Variants in RIMS1 observed in about 807,000 individuals in gnomAD.
RIMS1 encodes regulating synaptic membrane exocytosis 1, also known as regulating synaptic membrane exocytosis protein 1.
A neutral mutation model predicts 214.1 loss-of-function variants in RIMS1; 83 were observed. The ratio of observed to expected loss-of-function variants is 0.39; its 90% CI spans 0.32 to 0.47. RIMS1 has a LOEUF of 0.47. RIMS1 is among the 20% of genes least tolerant of loss of function. The probability of loss-of-function intolerance (pLI) is 0.99; values close to 1 mark genes in which losing one functional copy is unlikely to be tolerated. For missense variants in RIMS1, 2,050 were observed against 2,161.8 expected (o/e 0.95, Z 1.03); for synonymous variants, 793 against 786.8 (o/e 1.01, Z -0.13).
At chr6:71,956,191 G>T (rs1357211755) in intron 1 of RIMS1, among the ~76,000 whole-genome samples, 2 of 151,940 alleles carry the variant, frequency 1.3e-5, no homozygotes, top group African/African-American at 2.4e-5. Context: ...TCTTCTTACT[G>T]CAAGGATTAA....
At chr6:71,964,928 T>C (rs113735456) in intron 1 of RIMS1, among the ~76,000 whole-genome samples, 2,681 of 152,302 alleles carry the variant, frequency 0.018, 72 homozygotes, top group African/African-American at 0.059. Context: ...CTGAAGTCTC[T>C]TCTTGTCTGT....
intron 24 of RIMS1, among the ~76,000 whole-genome samples, chr6:72,286,803 C>T (rs987506963): frequency 2.5e-4 from 38 of 152,312 alleles, no homozygotes; most frequent in Admixed American, 1.8e-3. Context: ...AGTCATACTA[C>T]ACAGTTTTGC....
At chr6:72,333,926 C>A in intron 29 of RIMS1, 91 bp downstream of exon 29, 1 of 914,220 alleles carries the variant, frequency 1.1e-6, no homozygotes, top group South Asian at 1.7e-5. Context: ...GGAATTGTGG[C>A]ATATTTGGTT....
At chr6:72,231,634 G>C (rs926311341) in intron 6 of RIMS1, among the ~76,000 whole-genome samples, 2 of 151,566 alleles carry the variant, frequency 1.3e-5, no homozygotes, top group Non-Finnish European at 3.0e-5. Flanking sequence ...CAGTACCAAA[G>C]CAATTAAATT....
intron 2 of RIMS1, among the ~76,000 whole-genome samples, chr6:71,978,199 A>G (rs1215670219): frequency 6.6e-6 from 1 of 152,150 alleles, no homozygotes; most frequent in Admixed American, 6.6e-5. Flanking sequence ...TGCGGAATGC[A>G]TATGTACATA....
At chr6:72,258,060 C>A in intron 16 of RIMS1, 65 bp from the exon 17 acceptor site, 1 of 1,377,596 alleles carries the variant, frequency 7.3e-7, no homozygotes, top group South Asian at 1.3e-5. Context: ...ATTTTATATT[C>A]CTGTGTTAAT....
At chr6:72,278,754 G>A (rs1157575691) in intron 23 of RIMS1, among the ~76,000 whole-genome samples, 3 of 151,964 alleles carry the variant, frequency 2.0e-5, no homozygotes, top group South Asian at 2.1e-4. Flanking sequence ...ATAATATACA[G>A]GAAGGTAAAT....
chr6:72,103,483 A>T (rs538767115), intron 4 of RIMS1, among the ~76,000 whole-genome samples: 3 of 152,134 alleles, frequency 2.0e-5, no homozygotes, highest in Non-Finnish European at 2.9e-5. Flanking sequence ...TCAAGAAATT[A>T]TAATTTTTCA....
chr6:72,216,772 A>T, intron 6 of RIMS1: 5 of 987,898 alleles, frequency 5.1e-6, no homozygotes, highest in Non-Finnish European at 6.0e-6. Context: ...GTTAGCTTTA[A>T]GGACCACAAC....
intron 31 of RIMS1, among the ~76,000 whole-genome samples, chr6:72,394,141 T>G (rs192282324): frequency 1.3e-3 from 199 of 152,246 alleles, no homozygotes; most frequent in African/African-American, 4.7e-3. Context: ...CAGCTAGGTT[T>G]CAAAGCAGCG....
chr6:72,121,014 C>G (rs1473333952), intron 4 of RIMS1, among the ~76,000 whole-genome samples: 3 of 151,688 alleles, frequency 2.0e-5, no homozygotes, highest in African/African-American at 7.2e-5. Context: ...TGGTCTATAT[C>G]TCTGTTTTTG....
intron 29 of RIMS1, among the ~76,000 whole-genome samples, chr6:72,340,506 T>C (rs2097030689): frequency 6.6e-6 from 1 of 152,158 alleles, no homozygotes; most frequent in Non-Finnish European, 1.5e-5. Context: ...TACATATGGC[T>C]AGCCAGTTTT....
chr6:72,250,381 C>A lies in RIMS1; in HGVS notation c.2293C>A (p.Gln765Lys). ...VGHQLIVNVL[Q>K]ATDLPARVDG... Reference sequence around the variant, plus strand: ...ACACCAGCTGATTGTAAATGTTCTGCAAGCAACAGATCTACCTGCTAGAGT... The same window carrying A: ...ACACCAGCTGATTGTAAATGTTCTGAAAGCAACAGATCTACCTGCTAGAGT... The change falls in exon 13 of 34, where the codon CAA (glutamine) becomes AAA (lysine). Residue 765 changes from glutamine (Q) to lysine (K), a missense_variant. By Grantham distance (53) the Gln-to-Lys change is moderately conservative. Around this residue, in one of 6 missense-constraint regions of RIMS1, gnomAD observed 889 missense variants for 885.5 expected, o/e 1.00. Transcript: ENST00000521978. 2.5e-6 allele frequency: 4 copies of A among 1,609,400 alleles called. No homozygotes were observed. Among genetic ancestry groups the A allele is most frequent in the Non-Finnish European group, 2.5e-6 (3 of 1,177,154 alleles).
At chr6:72,255,266 C>T (rs928966375) in intron 16 of RIMS1, among the ~76,000 whole-genome samples, 2 of 152,096 alleles carry the variant, frequency 1.3e-5, no homozygotes, top group South Asian at 2.1e-4. Context: ...TACAAATTTG[C>T]GTCTACGTTT....
intron 29 of RIMS1, among the ~76,000 whole-genome samples, chr6:72,346,916 A>G (rs956648334): frequency 1.1e-4 from 16 of 151,794 alleles, no homozygotes; most frequent in African/African-American, 3.6e-4. Context: ...TTTAAGGAGA[A>G]CATTCCTTAA....
intron 29 of RIMS1, among the ~76,000 whole-genome samples, chr6:72,347,985 A>G (rs865854296): frequency 3.9e-5 from 6 of 151,964 alleles, no homozygotes; most frequent in African/African-American, 1.4e-4. Context: ...CATTTAATGC[A>G]GAAGAATCTT....
chr6:72,377,990 G>A (rs1252581457), intron 29 of RIMS1, among the ~76,000 whole-genome samples: 1 of 152,124 alleles, frequency 6.6e-6, no homozygotes, highest in Non-Finnish European at 1.5e-5. Flanking sequence ...CCTCTCCATT[G>A]TGAATTGGGA....
At chr6:72,341,395 C>T (rs2097087430) in intron 29 of RIMS1, among the ~76,000 whole-genome samples, 4 of 151,780 alleles carry the variant, frequency 2.6e-5, no homozygotes, top group Admixed American at 2.6e-4. Flanking sequence ...TTCTCTAATT[C>T]CAGTGGTTAC....
chr6:72,202,086 T>G (rs115791244), intron 6 of RIMS1, among the ~76,000 whole-genome samples: 303 of 152,372 alleles, frequency 2.0e-3, no homozygotes, highest in Middle Eastern at 6.8e-3. Flanking sequence ...TGAGCTAAAC[T>G]TGTGCAATTG....
Sources: gnomAD v4.1 joint callset for allele counts (sites outside exome capture counted in the v4.1 genomes callset) on GRCh38, gnomAD v4.1.1 for gene constraint, gnomAD v4.1.1 regional missense constraint, MANE v1.5 for transcripts, NCBI Gene and HGNC (gene_info 2026-07-23, HGNC 2026-07-21) for gene names.